Variants in NXPH2 observed in about 807,000 individuals in gnomAD.
NXPH2 encodes the protein neurexophilin-2.
In NXPH2, 5 loss-of-function variants were observed where a neutral mutation model predicts 19.8. That is an observed-to-expected ratio of 0.25 (90% CI 0.13 to 0.53). The LOEUF is 0.53. Among genes scored for constraint, NXPH2 ranks in the 20% least tolerant of loss-of-function variants. The pLI, the probability that NXPH2 is intolerant of heterozygous loss-of-function variation, is 0.96. For missense variants in NXPH2, 289 were observed against 322.8 expected, an observed-to-expected ratio of 0.90 and a Z score of 0.80; for synonymous variants, 154 against 127.4, an observed-to-expected ratio of 1.21 and a Z score of -1.41.
intron 1 of NXPH2, among the ~76,000 whole-genome samples, chr2:138,687,495 T>G (rs1190751061): frequency 6.6e-6 from 1 of 152,028 alleles, no homozygotes; most frequent in African/African-American, 2.4e-5. Context: ...TCCCATTCTG[T>G]AGGTTGCCTG....
chr2:138,704,807 C>A (rs1680983121), intron 1 of NXPH2, among the ~76,000 whole-genome samples: 1 of 147,894 alleles, frequency 6.8e-6, no homozygotes, highest in African/African-American at 2.5e-5. Flanking sequence ...CATGTGTGCA[C>A]CACCACGCCC....
chr2:138,725,451 TAA>T (rs1558922821), intron 1 of NXPH2, among the ~76,000 whole-genome samples: 1 of 152,196 alleles, frequency 6.6e-6, no homozygotes, highest in African/African-American at 2.4e-5. Flanking sequence ...GGTGAATCCA[TAA>T]AGTTAGGATT....
At chr2:138,780,066 C>T in intron 1 of NXPH2, 125 bp downstream of exon 1, 1 of 949,292 alleles carries the variant, frequency 1.1e-6, no homozygotes, top group Non-Finnish European at 1.5e-6. Flanking sequence ...ACTCCTTGCC[C>T]TCCGCGCGCC....
chr2:138,728,636 A>C (rs1173048716), intron 1 of NXPH2, among the ~76,000 whole-genome samples: 1 of 152,228 alleles, frequency 6.6e-6, no homozygotes, highest in Non-Finnish European at 1.5e-5. Flanking sequence ...TTAAGGCATA[A>C]ATAATGCTTA....
intron 1 of NXPH2, among the ~76,000 whole-genome samples, chr2:138,769,368 G>T (rs1316447573): frequency 2.6e-5 from 4 of 152,094 alleles, no homozygotes; most frequent in Non-Finnish European, 4.4e-5. Flanking sequence ...ATTTCCAGTT[G>T]CAATGAAGGA....
At chr2:138,740,194 G>A (rs1431905013) in intron 1 of NXPH2, among the ~76,000 whole-genome samples, 1 of 152,194 alleles carries the variant, frequency 6.6e-6, no homozygotes, top group Non-Finnish European at 1.5e-5. Flanking sequence ...GTAGAAAAGG[G>A]TGAGGCTAGT....
chr2:138,687,742 C>A (rs1017451923), intron 1 of NXPH2, among the ~76,000 whole-genome samples: 2 of 152,154 alleles, frequency 1.3e-5, no homozygotes, highest in African/African-American at 4.8e-5. Flanking sequence ...GATCAAGTTT[C>A]AGCTTTCTAC....
At chr2:138,732,358 G>A (rs1252425405) in intron 1 of NXPH2, among the ~76,000 whole-genome samples, 1 of 152,238 alleles carries the variant, frequency 6.6e-6, no homozygotes, top group African/African-American at 2.4e-5. Context: ...CACTGGAAGA[G>A]TAGGAGATGC....
intron 1 of NXPH2, among the ~76,000 whole-genome samples, chr2:138,743,073 A>G (rs1435055309): frequency 2.6e-5 from 4 of 152,232 alleles, no homozygotes; most frequent in Admixed American, 2.6e-4. Flanking sequence ...TCAAAGAAAA[A>G]AATAGCCAAA....
chr2:138,686,737 T>C (rs750016989), intron 1 of NXPH2, among the ~76,000 whole-genome samples: 14 of 152,106 alleles, frequency 9.2e-5, no homozygotes, highest in Non-Finnish European at 1.9e-4. Context: ...GTGTGTGATG[T>C]TCCCCTTCCT....
intron 1 of NXPH2, among the ~76,000 whole-genome samples, chr2:138,752,129 G>A (rs967777584): frequency 6.6e-6 from 1 of 152,134 alleles, no homozygotes; most frequent in Non-Finnish European, 1.5e-5. Context: ...ATAAGGCAAT[G>A]TAAAGAGAGA....
In NXPH2 at chr2:138,696,982, G is replaced by A. The variant is rs72986892; in HGVS notation, c.52-25317C>T. Among the ~76,000 whole-genome samples the A allele has an allele frequency of 3.5e-3, 537 of 152,170 alleles. 3 individuals carry two copies. Among genetic ancestry groups the A allele is most frequent in the African/African-American group, 8.8e-3 (364 of 41,552 alleles). Reference sequence around the variant, plus strand: ...AAAAGTAATTGTAGAGAAAACATAAGTAGGTAATTTCATATAATTAAATAG... The same window carrying A: ...AAAAGTAATTGTAGAGAAAACATAAATAGGTAATTTCATATAATTAAATAG... On this transcript the variant is annotated intron_variant, in intron 1 of 1. Transcript: ENST00000272641.
At chr2:138,771,014 T>C (rs745986893) in intron 1 of NXPH2, among the ~76,000 whole-genome samples, 28 of 152,250 alleles carry the variant, frequency 1.8e-4, no homozygotes, top group Middle Eastern at 3.4e-3. Flanking sequence ...GGTAGTGTGA[T>C]ACAGGCATGC....
chr2:138,747,183 C>T (rs1235812260), intron 1 of NXPH2, among the ~76,000 whole-genome samples: 2 of 152,146 alleles, frequency 1.3e-5, no homozygotes, highest in African/African-American at 4.8e-5. Context: ...GTTTATCATG[C>T]ATCCTGAGGG....
intron 1 of NXPH2, among the ~76,000 whole-genome samples, chr2:138,690,138 T>G (rs1363427339): frequency 6.6e-6 from 1 of 152,226 alleles, no homozygotes; most frequent in African/African-American, 2.4e-5. Context: ...TGCCTCATCC[T>G]TCCCACCTAT....
rs557679162 is a variant in NXPH2 at position 138,700,284 on chromosome 2, A to G, written c.52-28619T>C. Reference sequence around the variant, plus strand: ...CCTTTGAGTAGGCTGTATAATAACCAAGCCTTTAGGAAAATACATATTTAG... The same window carrying G: ...CCTTTGAGTAGGCTGTATAATAACCGAGCCTTTAGGAAAATACATATTTAG... On this transcript the variant is annotated intron_variant, in intron 1 of 1. Transcript: ENST00000272641. Among the ~76,000 whole-genome samples, 3 of 152,282 alleles carry G rather than the reference A, an allele frequency of 2.0e-5. 1 individual carries two copies. The South Asian group carries it at 6.2e-4, about 32-fold the overall frequency.
intron 1 of NXPH2, among the ~76,000 whole-genome samples, chr2:138,759,716 G>T (rs1284209001): frequency 1.3e-5 from 2 of 149,388 alleles, no homozygotes; most frequent in Non-Finnish European, 3.0e-5. Context: ...ACTGCCACAG[G>T]CTCCTATGCC....
chr2:138,757,861 CT>C (rs1158868821), intron 1 of NXPH2, among the ~76,000 whole-genome samples: 1 of 147,826 alleles, frequency 6.8e-6, no homozygotes, highest in Admixed American at 6.8e-5. Context: ...ATCTATCTAT[CT>C]ATCTCCCACT....
intron 1 of NXPH2, among the ~76,000 whole-genome samples, chr2:138,742,566 G>A (rs552422232): frequency 3.9e-5 from 6 of 152,180 alleles, no homozygotes; most frequent in East Asian, 1.9e-4. Context: ...AAGAGTGTCC[G>A]GTAACAGCAG....
Sources: gnomAD v4.1 joint callset for allele counts (sites outside exome capture counted in the v4.1 genomes callset) on GRCh38, gnomAD v4.1.1 for gene constraint, MANE v1.5 for transcripts, NCBI Gene and HGNC (gene_info 2026-07-23, HGNC 2026-07-21) for gene names.